GRM7: variants seen among roughly 807,000 people sequenced by gnomAD.
GRM7 encodes the protein metabotropic glutamate receptor 7.
A neutral mutation model predicts 84.5 loss-of-function variants in GRM7; 35 were observed. The ratio of observed to expected loss-of-function variants is 0.41; its 90% CI spans 0.32 to 0.55. GRM7 has a LOEUF of 0.55. Ranked by LOEUF, GRM7 falls within the 20% of genes least tolerant of loss-of-function variation. The pLI, the probability that GRM7 is intolerant of heterozygous loss-of-function variation, is 0.19. For missense variants in GRM7, 1,003 were observed against 1,194.6 expected, an observed-to-expected ratio of 0.84 and a Z score of 2.36; for synonymous variants, 487 against 455.1, an observed-to-expected ratio of 1.07 and a Z score of -0.89.
intron 2 of GRM7, among the ~76,000 whole-genome samples, chr3:7,173,255 C>T (rs1217127878): frequency 1.3e-5 from 2 of 152,162 alleles, no homozygotes; most frequent in African/African-American, 4.8e-5. Flanking sequence ...ACCAAGTTCT[C>T]TCGTCTTTAC....
chr3:7,374,729 G>C (rs975080521), intron 4 of GRM7, among the ~76,000 whole-genome samples: 15 of 150,500 alleles, frequency 1.0e-4, no homozygotes, highest in African/African-American at 3.2e-4. Context: ...AACCTCAGGT[G>C]ATCCGCCTGC....
intron 5 of GRM7, among the ~76,000 whole-genome samples, chr3:7,447,953 T>A: frequency 7.7e-6 from 1 of 129,844 alleles, no homozygotes; most frequent in Non-Finnish European, 1.6e-5. Context: ...CCTGTGTCCA[T>A]GTGTTCTCAT....
intron 2 of GRM7, among the ~76,000 whole-genome samples, chr3:7,276,093 G>T (rs760049379): frequency 6.6e-6 from 1 of 151,880 alleles, no homozygotes; most frequent in Non-Finnish European, 1.5e-5. Flanking sequence ...AGAGCTGTTG[G>T]TATTTCATTA....
chr3:7,552,409 C>T (rs978599296), intron 7 of GRM7, among the ~76,000 whole-genome samples: 4 of 152,226 alleles, frequency 2.6e-5, no homozygotes, highest in Admixed American at 2.6e-4. Context: ...ATCCTCTTCT[C>T]ACAGCTCCAC....
At chr3:6,970,556 T>C (rs932140648) in intron 1 of GRM7, among the ~76,000 whole-genome samples, 5 of 152,200 alleles carry the variant, frequency 3.3e-5, no homozygotes, top group African/African-American at 1.2e-4. Context: ...GGGTTTTGAT[T>C]GGTAAGAGGG....
chr3:7,343,157 G>A (rs994211718), intron 4 of GRM7, among the ~76,000 whole-genome samples: 7 of 152,088 alleles, frequency 4.6e-5, no homozygotes, highest in Non-Finnish European at 1.0e-4. Context: ...CTGACATGTG[G>A]CCCCCTTTAG....
intron 4 of GRM7, among the ~76,000 whole-genome samples, chr3:7,329,969 G>A (rs1007730287): frequency 2.6e-5 from 4 of 152,120 alleles, no homozygotes; most frequent in Non-Finnish European, 5.9e-5. Context: ...AATGACTAGT[G>A]TTTGGGAGTC....
In GRM7 at chr3:7,326,490, A is replaced by G. The variant is rs558482300; in HGVS notation, c.1033+19838A>G. Among the ~76,000 whole-genome samples the G allele has an allele frequency of 1.6e-3, 238 of 152,220 alleles. 1 individual carries two copies. Among genetic ancestry groups the G allele is most frequent in the African/African-American group, 5.5e-3 (228 of 41,558 alleles). On this transcript the variant is annotated intron_variant, in intron 4 of 9. Transcript: ENST00000357716. ...CCATATCATTAGTTAATGGGGTTTAATTAAGCACCCTACGTATCAAGAGAA... is the reference window on the plus strand; with the variant it reads ...CCATATCATTAGTTAATGGGGTTTAGTTAAGCACCCTACGTATCAAGAGAA...
At chr3:6,984,954 T>G (rs1694354394) in intron 1 of GRM7, among the ~76,000 whole-genome samples, 1 of 152,170 alleles carries the variant, frequency 6.6e-6, no homozygotes, top group Admixed American at 6.5e-5. Flanking sequence ...AGCAGTCCAT[T>G]TCAGTTCCTC....
intron 1 of GRM7, among the ~76,000 whole-genome samples, chr3:7,145,150 G>A (rs1188159903): frequency 6.6e-6 from 1 of 152,106 alleles, no homozygotes; most frequent in Non-Finnish European, 1.5e-5. Context: ...ATCAACTTGA[G>A]CGTGGCTTTA....
At chr3:7,057,575 T>C (rs1697273279) in intron 1 of GRM7, among the ~76,000 whole-genome samples, 1 of 151,950 alleles carries the variant, frequency 6.6e-6, no homozygotes, top group Non-Finnish European at 1.5e-5. Context: ...TTGTGGCAAA[T>C]CATTGCGTTT....
intron 8 of GRM7, among the ~76,000 whole-genome samples, chr3:7,654,862 G>T (rs1273744804): frequency 6.6e-6 from 1 of 152,192 alleles, no homozygotes; most frequent in Admixed American, 6.5e-5. Context: ...ATTGCTTGGG[G>T]TGGCCCACAC....
At chr3:7,331,530 A>G (rs1701207942) in intron 4 of GRM7, among the ~76,000 whole-genome samples, 1 of 152,196 alleles carries the variant, frequency 6.6e-6, no homozygotes, top group Admixed American at 6.6e-5. Context: ...GCATAATTCA[A>G]TTTTTCTTCT....
chr3:7,620,011 C>T (rs1051957605), intron 8 of GRM7, among the ~76,000 whole-genome samples: 1 of 152,130 alleles, frequency 6.6e-6, no homozygotes, highest in Non-Finnish European at 1.5e-5. Flanking sequence ...CCTGACCACT[C>T]CTTAGACTTT....
At chr3:7,397,655 C>T (rs903557394) in intron 4 of GRM7, among the ~76,000 whole-genome samples, 1 of 152,096 alleles carries the variant, frequency 6.6e-6, no homozygotes, top group Non-Finnish European at 1.5e-5. Context: ...CATATCACAT[C>T]ACATGTACCC....
At chr3:7,065,064 A>G (rs567275824) in intron 1 of GRM7, among the ~76,000 whole-genome samples, 3 of 151,222 alleles carry the variant, frequency 2.0e-5, no homozygotes, top group East Asian at 2.0e-4. Context: ...GATTTGTTTG[A>G]GTTGGTTGTA....
At chr3:7,357,150 A>G (rs1006359744) in intron 4 of GRM7, among the ~76,000 whole-genome samples, 4 of 151,898 alleles carry the variant, frequency 2.6e-5, no homozygotes, top group African/African-American at 7.2e-5. Context: ...TTAAATGGCA[A>G]CTAGGACTAT....
intron 1 of GRM7, among the ~76,000 whole-genome samples, chr3:7,139,740 T>C (rs554492903): frequency 6.6e-6 from 1 of 152,088 alleles, no homozygotes; most frequent in African/African-American, 2.4e-5. Flanking sequence ...AAAGAAAAAC[T>C]CCTTGATATT....
chr3:7,340,886 G>T (rs868571523), intron 4 of GRM7, among the ~76,000 whole-genome samples: 4 of 152,098 alleles, frequency 2.6e-5, no homozygotes, highest in Non-Finnish European at 5.9e-5. Context: ...TAGGAATTAC[G>T]TGTCTGCATC....
Sources: gnomAD v4.1 joint callset for allele counts (sites outside exome capture counted in the v4.1 genomes callset) on GRCh38, gnomAD v4.1.1 for gene constraint, MANE v1.5 for transcripts, NCBI Gene and HGNC (gene_info 2026-07-23, HGNC 2026-07-21) for gene names.